The following POTEE variants were observed in gnomAD, a reference collection of about 807,000 sequenced individuals.
POTEE encodes the protein POTE ankyrin domain family member E, also known as ANKRD26-like family C member 1A.
POTEE carries 21 observed loss-of-function variants against 74.2 expected under a neutral mutation model. The observed-to-expected ratio is 0.28, with a 90% CI of 0.20 to 0.41. The LOEUF (loss-of-function observed/expected upper bound fraction) is 0.41. Among genes scored for constraint, POTEE ranks in the 10% least tolerant of loss-of-function variants. The probability of loss-of-function intolerance (pLI) is 1.00; values close to 1 mark genes in which losing one functional copy is unlikely to be tolerated. For synonymous variants in POTEE, 211 were observed against 432.8 expected, an observed-to-expected ratio of 0.49 and a Z score of 6.36; for missense variants, 525 against 1,158.6, an observed-to-expected ratio of 0.45 and a Z score of 7.94.
chr2:131,226,277 TG>T (rs1454624272), intron 6 of POTEE, among the ~76,000 whole-genome samples: 4 of 143,098 alleles, frequency 2.8e-5, no homozygotes, highest in Non-Finnish European at 4.5e-5. Flanking sequence ...GTTAACAATC[TG>T]GGAAAATTAA....
At chr2:131,233,766 A>G (rs1701039967) in intron 9 of POTEE, among the ~76,000 whole-genome samples, 1 of 150,794 alleles carries the variant, frequency 6.6e-6, no homozygotes, top group Non-Finnish European at 1.5e-5. Context: ...GAAGAGCGGT[A>G]TCGTCAATAT....
chr2:131,244,058 GTCA>G (rs1311817172), intron 12 of POTEE, among the ~76,000 whole-genome samples: 2 of 13,250 alleles, frequency 1.5e-4, no homozygotes, highest in Non-Finnish European at 3.7e-4. Flanking sequence ...AATCATAATT[GTCA>G]TTATGGTAAA....
chr2:131,230,889 C>T lies in POTEE; in HGVS notation c.1109C>T (p.Ser370Phe). 1.9e-6 allele frequency: 3 copies of T among 1,551,028 alleles called. No individual in the cohort carries two copies. Among genetic ancestry groups the T allele is most frequent in the Non-Finnish European group, 2.6e-6 (3 of 1,144,116 alleles). ...GAAAAACAGATGCTAAAAATCTCTT[C>T]TGAAAACAGCAATCCAGGTAAGACT... ...YKEKQMLKIS[S>F]ENSNPEQELK... The change falls in exon 9 of 18, where the codon TCT becomes TTT. Residue 370 changes from serine to phenylalanine, a missense_variant. Physicochemically the swap from Ser to Phe is radical, Grantham distance 155. Transcript: ENST00000683005.
chr2:131,217,811 G>C (rs575805813), intron 3 of POTEE, among the ~76,000 whole-genome samples, 128 bp downstream of exon 3: 1 of 150,600 alleles, frequency 6.6e-6, no homozygotes. Flanking sequence ...CAGCTTGCTG[G>C]CTTGTAACGG....
At chr2:131,217,970 C>CGGCTT (rs1227312683) in intron 3 of POTEE, 5 of 268,478 alleles carry the variant, frequency 1.9e-5, no homozygotes, top group African/African-American at 4.6e-5. Flanking sequence ...TGGCCTGTAG[C>CGGCTT]GGCTTGGCTT....
chr2:131,230,261 G>A (rs1413459896), intron 8 of POTEE, among the ~76,000 whole-genome samples: 1 of 152,096 alleles, frequency 6.6e-6, no homozygotes, highest in African/African-American at 2.4e-5. Context: ...AGCAAAATTA[G>A]GACTTAATAA....
chr2:131,230,421 G>A (rs1700914569), intron 8 of POTEE, among the ~76,000 whole-genome samples: 1 of 152,122 alleles, frequency 6.6e-6, no homozygotes, highest in Non-Finnish European at 1.5e-5. Context: ...TTTAAAAAAT[G>A]TTATCTCGTT....
chr2:131,210,558 C>T lies in POTEE; in HGVS notation c.-344-470C>T, dbSNP rs1021405236. ...TTTTCCAGACTCCAGAGTTCCTGCTCGTGCAATCTTGAGCAGGGCAGGGCC... is the reference window on the plus strand; with the variant it reads ...TTTTCCAGACTCCAGAGTTCCTGCTTGTGCAATCTTGAGCAGGGCAGGGCC... On this transcript the variant is annotated intron_variant, in intron 1 of 17. Coordinates refer to ENST00000683005, the MANE Select transcript of POTEE (RefSeq NM_001083538.3). Among the ~76,000 whole-genome samples the T allele has an allele frequency of 6.6e-5, 10 of 151,944 alleles. No homozygotes were observed. In the East Asian group the frequency reaches 7.8e-4, roughly 12 times the overall value.
rs377356093 is a variant in POTEE at position 131,264,050 on chromosome 2, C to G, written c.2595C>G (p.Ile865Met). 7.7e-5 allele frequency: 125 copies of G among 1,614,230 alleles called. No individual in the cohort carries two copies. Among genetic ancestry groups the G allele is most frequent in the East Asian group, 6.9e-4 (31 of 44,872 alleles). Residue 865 changes from isoleucine to methionine, a missense_variant, in exon 18 of 18, where the codon ATC (isoleucine) becomes ATG (methionine). Physicochemically the swap from Ile to Met is conservative, Grantham distance 10. Coordinates refer to ENST00000683005, the MANE Select transcript of POTEE (RefSeq NM_001083538.3). Reference protein sequence around the residue: ...SGDGVTHTVPIYEGNALPHAT... With the variant: ...SGDGVTHTVPMYEGNALPHAT... Reference sequence around the variant, plus strand: ...ACGGGGTCACCCACACTGTGCCCATCTATGAGGGGAATGCCCTCCCCCATG... The same window carrying G: ...ACGGGGTCACCCACACTGTGCCCATGTATGAGGGGAATGCCCTCCCCCATG...
intron 4 of POTEE, among the ~76,000 whole-genome samples, chr2:131,221,100 A>G (rs1700603248): frequency 6.6e-6 from 1 of 152,228 alleles, no homozygotes; most frequent in Non-Finnish European, 1.5e-5. Context: ...CTTTAGTGGT[A>G]AGAACCACAT....
At chr2:131,262,726 G>C (rs1286993856) in intron 17 of POTEE, among the ~76,000 whole-genome samples, 4 of 152,230 alleles carry the variant, frequency 2.6e-5, no homozygotes, top group Non-Finnish European at 5.9e-5. Flanking sequence ...ATATGTAGAA[G>C]AGCAATGCCT....
At chr2:131,219,672 G>A (rs1700553897) in intron 4 of POTEE, among the ~76,000 whole-genome samples, 1 of 151,974 alleles carries the variant, frequency 6.6e-6, no homozygotes, top group Non-Finnish European at 1.5e-5. Flanking sequence ...GGGAGGTGGA[G>A]CTTGCAGTGA....
Position 131,222,365 on chromosome 2 carries a change from A to G in POTEE, c.522-1231A>G, listed in dbSNP as rs144625765. 2.9e-3 allele frequency among the ~76,000 whole-genome samples: 445 copies of G among 152,258 alleles called. 5 individuals are homozygous for G. The East Asian group carries it at 0.064, about 22-fold the overall frequency. ...TAGGTGGGAGCTAAATGGTGAGAAC[A>G]CACAGATACCTAGAGGGAAGCAGCA... On this transcript the variant is annotated intron_variant, in intron 4 of 17. Transcript: ENST00000683005.
chr2:131,216,089 C>G (rs1700436659), intron 2 of POTEE, among the ~76,000 whole-genome samples: 1 of 151,602 alleles, frequency 6.6e-6, no homozygotes, highest in South Asian at 2.1e-4. Context: ...ATAATAGCAA[C>G]AAAACAAATA....
intron 8 of POTEE, among the ~76,000 whole-genome samples, chr2:131,229,864 T>C (rs1228223891): frequency 1.3e-5 from 2 of 152,140 alleles, no homozygotes; most frequent in African/African-American, 2.4e-5. Flanking sequence ...GACTTAGACC[T>C]GAATAACATG....
chr2:131,217,469 T>C (rs1700468915), intron 2 of POTEE, among the ~76,000 whole-genome samples, 120 bp from the exon 3 acceptor site: 1 of 130,934 alleles, frequency 7.6e-6, no homozygotes, highest in African/African-American at 2.9e-5. Flanking sequence ...GCTGCTGCCA[T>C]GCACAACAGC....
At chr2:131,212,979 A>G (rs1350353638) in intron 2 of POTEE, among the ~76,000 whole-genome samples, 1 of 145,004 alleles carries the variant, frequency 6.9e-6, no homozygotes, top group Non-Finnish European at 1.5e-5. Flanking sequence ...TTTTTTTTTG[A>G]GATGAAGTCT....
Position 131,218,558 on chromosome 2 carries a change from T to C in POTEE, c.156T>C (p.Ser52=), listed in dbSNP as rs769407656. The change falls in exon 4 of 18, where the codon TCT becomes TCC. Residue 52 remains serine (S), a synonymous_variant. Coordinates refer to ENST00000683005, the MANE Select transcript of POTEE (RefSeq NM_001083538.3). ...NVGTSGDHDD[S]AMKTLRSKMG... is the part of the protein sequence containing the mutation. ...GCACTTCTGGAGACCACGACGACTCTGCTATGAAGACACTCAGGAGCAAGA... is the reference window on the plus strand; with the variant it reads ...GCACTTCTGGAGACCACGACGACTCCGCTATGAAGACACTCAGGAGCAAGA... 5.6e-6 allele frequency: 9 copies of C among 1,610,534 alleles called. No individual in the cohort carries two copies. The East Asian group carries it at 1.6e-4, about 28-fold the overall frequency.
intron 6 of POTEE, among the ~76,000 whole-genome samples, chr2:131,224,254 T>C (rs375696600): frequency 6.6e-6 from 1 of 151,364 alleles, no homozygotes; most frequent in African/African-American, 2.4e-5. Flanking sequence ...AATGCACTTG[T>C]GGTAAATACT....
Sources: allele counts gnomAD v4.1 joint callset (sites outside exome capture counted in the v4.1 genomes callset), GRCh38; gene constraint gnomAD v4.1.1; transcripts MANE v1.5; gene names NCBI Gene and HGNC (gene_info 2026-07-23, HGNC 2026-07-21).